Variants in LCN1 observed in about 807,000 individuals in gnomAD.
The protein encoded by LCN1 is lipocalin-1.
In LCN1, 25 loss-of-function variants were observed where a neutral mutation model predicts 22.3. The observed-to-expected ratio is 1.12, with a 90% CI of 0.82 to 1.56. LCN1 has a LOEUF of 1.56. LCN1 is among the 40% of genes most tolerant of loss of function. LCN1 has a pLI of 0.00. For synonymous variants in LCN1, 85 were observed against 97.6 expected, an observed-to-expected ratio of 0.87 and a Z score of 0.76; for missense variants, 219 against 235.6, an observed-to-expected ratio of 0.93 and a Z score of 0.46.
intron 6 of LCN1, among the ~76,000 whole-genome samples, 176 bp downstream of exon 6, chr9:135,525,334 C>T (rs899112294): frequency 6.6e-5 from 10 of 152,150 alleles, no homozygotes; most frequent in African/African-American, 2.4e-4. Context: ...GGGCGTCAGA[C>T]TCCGTTCTTG....
Position 135,525,130 on chromosome 9 carries a change from A to T in LCN1, c.506-2A>T. On this transcript the variant is annotated splice_acceptor_variant, in intron 5 of 6. Coordinates refer to ENST00000371781, the MANE Select transcript of LCN1 (RefSeq NM_002297.4). LOFTEE classifies it high-confidence loss of function. Reference sequence around the variant, plus strand: ...TAACGCCTGTGCTTCCTTTTCCTGCAGAAACCTGCTCTCCAGGGAGCGATT... The same window carrying T: ...TAACGCCTGTGCTTCCTTTTCCTGCTGAAACCTGCTCTCCAGGGAGCGATT... 6.2e-7 allele frequency: 1 copy of T among 1,613,616 alleles called. No homozygotes were observed. The highest frequency in any genetic ancestry group is 2.2e-5 in the East Asian group (1 of 44,886).
At chr9:135,525,974 T>A (rs143276070) in intron 6 of LCN1, among the ~76,000 whole-genome samples, 898 of 85,816 alleles carry the variant, frequency 0.01, 27 homozygotes, top group East Asian at 0.035. Flanking sequence ...GCATGTGCCT[T>A]CCACCGTAAC....
intron 4 of LCN1, among the ~76,000 whole-genome samples, chr9:135,524,278 A>G (rs1012522462): frequency 9.2e-5 from 14 of 152,266 alleles, no homozygotes; most frequent in East Asian, 3.9e-4. Flanking sequence ...CCTCCCCCGG[A>G]GCAGCTCCCT....
At chr9:135,521,919 G>C (rs1335367192) in intron 1 of LCN1, 128 bp from the exon 2 acceptor site, 1 of 1,431,296 alleles carries the variant, frequency 7.0e-7, no homozygotes, top group Non-Finnish European at 9.4e-7. Context: ...TTTTCTGGGT[G>C]GGTTAGATTG....
rs1270984527 is a variant in LCN1 at position 135,523,256 on chromosome 9, G to A, written c.246G>A (p.Val82=). Residue 82 remains valine, a synonymous_variant, in exon 3 of 7, where the codon GTG becomes GTA. Transcript: ENST00000371781. ...TMLISGRCQE[V]KAVLEKTDEP... is the part of the protein sequence containing the mutation. ...GGATAAGTGGCCGGTGCCAGGAGGT[G>A]AAGGCCGTCCTGGAGAAAACTGACG... 6 of 1,612,468 alleles carry A rather than the reference G, an allele frequency of 3.7e-6. No homozygotes were observed. Among genetic ancestry groups the A allele is most frequent in the African/African-American group, 1.3e-5 (1 of 74,908 alleles).
chr9:135,525,073 G>A lies in LCN1; in HGVS notation c.506-59G>A. On this transcript the variant is annotated intron_variant, in intron 5 of 6. Transcript: ENST00000371781. Reference sequence around the variant, plus strand: ...TGGTGGAGCTGGTGGCTGATGAGGGGCCCCGGTCCTGACTGCATTCCTGGG... The same window carrying A: ...TGGTGGAGCTGGTGGCTGATGAGGGACCCCGGTCCTGACTGCATTCCTGGG... The A allele has an allele frequency of 1.9e-6, 3 of 1,597,218 alleles. No homozygotes were observed. In the South Asian group the frequency reaches 3.4e-5, roughly 18 times the overall value.
chr9:135,522,635 C>T lies in LCN1; in HGVS notation c.221+458C>T, dbSNP rs552851558. Among the ~76,000 whole-genome samples, 13 of 152,348 alleles carry T rather than the reference C, an allele frequency of 8.5e-5. No individual in the cohort carries two copies. The South Asian group carries it at 2.7e-3, about 32-fold the overall frequency. On this transcript the variant is annotated intron_variant, in intron 2 of 6. Coordinates refer to ENST00000371781, the MANE Select transcript of LCN1 (RefSeq NM_002297.4). ...CTGTGTAGCGCTCACCTGTGCGGCT[C>T]TCACCTGGGCTGCTTCCACCCGCGT...
chr9:135,521,803 G>A (rs1831502318), intron 1 of LCN1, among the ~76,000 whole-genome samples: 1 of 152,064 alleles, frequency 6.6e-6, no homozygotes, highest in African/African-American at 2.4e-5. Context: ...GAGGGTGGGG[G>A]TCTGGCTGAC....
chr9:135,525,392 C>T (rs1019505344), intron 6 of LCN1, among the ~76,000 whole-genome samples: 8 of 152,246 alleles, frequency 5.3e-5, no homozygotes, highest in African/African-American at 1.9e-4. Flanking sequence ...GCGCTGAGCC[C>T]GCCTTTGCTG....
chr9:135,524,022 G>T, intron 4 of LCN1, 32 bp downstream of exon 4: 1 of 1,507,266 alleles, frequency 6.6e-7, no homozygotes, highest in Non-Finnish European at 9.2e-7. Context: ...TGCAACCCAT[G>T]CCTCCACCTG....
At chr9:135,525,774 C>T (rs1239376786) in intron 6 of LCN1, among the ~76,000 whole-genome samples, 3 of 151,944 alleles carry the variant, frequency 2.0e-5, no homozygotes, top group African/African-American at 7.3e-5. Flanking sequence ...CCTGCTCCAT[C>T]CGCTCCAATC....
intron 6 of LCN1, 122 bp from the exon 7 acceptor site, chr9:135,526,222 T>A: frequency 8.1e-6 from 1 of 123,836 alleles, no homozygotes; most frequent in Non-Finnish European, 1.5e-5. Context: ...CCCCACACCA[T>A]GCCCCTGAGA....
At chr9:135,523,177 G>T (rs1831541557) in intron 2 of LCN1, 55 bp from the exon 3 acceptor site, 2 of 1,541,208 alleles carry the variant, frequency 1.3e-6, no homozygotes, top group Non-Finnish European at 1.8e-6. Flanking sequence ...GGTTGCTCCA[G>T]GGCCGGGGGA....
At chr9:135,525,589 G>T (rs968885887) in intron 6 of LCN1, among the ~76,000 whole-genome samples, 6 of 152,084 alleles carry the variant, frequency 3.9e-5, no homozygotes, top group African/African-American at 1.4e-4. Context: ...CCCCTTGCTG[G>T]CTGCACAAGG....
intron 2 of LCN1, among the ~76,000 whole-genome samples, chr9:135,522,875 T>C (rs555498516): frequency 6.6e-6 from 1 of 152,136 alleles, no homozygotes; most frequent in East Asian, 1.9e-4. Context: ...CCTGAATGTC[T>C]CTAAAAGGAA....
chr9:135,525,962 C>T (rs1477435412), intron 6 of LCN1, among the ~76,000 whole-genome samples: 3 of 143,892 alleles, frequency 2.1e-5, no homozygotes, highest in African/African-American at 7.8e-5. Context: ...CCCCGAGAGC[C>T]CGCATGTGCC....
At chr9:135,524,573 G>A (rs565068096) in intron 4 of LCN1, among the ~76,000 whole-genome samples, 9 of 152,246 alleles carry the variant, frequency 5.9e-5, no homozygotes, top group Admixed American at 2.6e-4. Context: ...CTGTCGTGCC[G>A]TCCATCCTCA....
In LCN1 at chr9:135,522,117, T is replaced by C. The variant is rs1831513761; in HGVS notation, c.161T>C (p.Val54Ala). 6.3e-7 allele frequency: 1 copy of C among 1,598,082 alleles called. No individual in the cohort carries two copies. Among genetic ancestry groups the C allele is most frequent in the African/African-American group, 1.3e-5 (1 of 74,400 alleles). Residue 54 changes from valine (V) to alanine (A), a missense_variant, in exon 2 of 7, where the codon GTG (valine) becomes GCG (alanine). By Grantham distance (64) the Val-to-Ala change is moderately conservative (BLOSUM62 0). Coordinates refer to ENST00000371781, the MANE Select transcript of LCN1 (RefSeq NM_002297.4). Reference protein sequence around the residue: ...REFPEMNLESVTPMTLTTLEG... With the variant: ...REFPEMNLESATPMTLTTLEG... ...TTCCCTGAGATGAATCTGGAATCGG[T>C]GACACCCATGACCCTCACGACCCTG...
chr9:135,523,930 T>G lies in LCN1; in HGVS notation c.343T>G (p.Tyr115Asp). The G allele has an allele frequency of 6.2e-7, 1 of 1,614,116 alleles. No individual in the cohort carries two copies. The highest frequency in any genetic ancestry group is 8.5e-7 in the Non-Finnish European group (1 of 1,179,978). ...CATCAGGTCGCACGTGAAGGACCAC[T>G]ACATCTTTTACTGTGAGGGCGAGCT... ...YIIRSHVKDHYIFYCEGELHG... is the reference protein window; with the variant it reads ...YIIRSHVKDHDIFYCEGELHG... Residue 115 changes from tyrosine to aspartate, a missense_variant, in exon 4 of 7, where the codon TAC becomes GAC. Coordinates refer to ENST00000371781, the MANE Select transcript of LCN1 (RefSeq NM_002297.4).
Sources: gnomAD v4.1 joint callset for allele counts (sites outside exome capture counted in the v4.1 genomes callset) on GRCh38, gnomAD v4.1.1 for gene constraint, MANE v1.5 for transcripts, NCBI Gene and HGNC (gene_info 2026-07-23, HGNC 2026-07-21) for gene names.